Variants in LPP observed in about 807,000 individuals in gnomAD.
LPP encodes LIM domain containing preferred translocation partner in lipoma, also known as lipoma-preferred partner.
In LPP, 38 loss-of-function variants were observed where a neutral mutation model predicts 60.4. The observed-to-expected ratio is 0.63, with a 90% CI of 0.49 to 0.83. LPP has a LOEUF of 0.83. Among genes scored for constraint, LPP ranks in the 40% least tolerant of loss-of-function variants. The pLI, the probability that LPP is intolerant of heterozygous loss-of-function variation, is 0.00. For missense variants in LPP, 902 were observed against 783.6 expected (o/e 1.15, Z -1.80); for synonymous variants, 328 against 290.8 (o/e 1.13, Z -1.30).
chr3:188,192,957 C>G lies in LPP; in HGVS notation c.-189-32448C>G, dbSNP rs538892998. On this transcript the variant is annotated intron_variant, in intron 1 of 11. Transcript: ENST00000617246. ...TTCTCAGGGAGATGTTTCTCTCCAT[C>G]TTTCCTTGCTGCCCCTGAGACTTTG... 2.0e-5 allele frequency among the ~76,000 whole-genome samples: 3 copies of G among 152,322 alleles called. No individual in the cohort carries two copies. In the South Asian group the frequency reaches 6.2e-4, roughly 32 times the overall value.
intron 6 of LPP, among the ~76,000 whole-genome samples, chr3:188,543,714 C>T (rs1409069664): frequency 6.6e-6 from 1 of 152,146 alleles, no homozygotes; most frequent in East Asian, 1.9e-4. Flanking sequence ...AAGCCATAAT[C>T]ATTTGAAACC....
chr3:188,518,284 T>C (rs969121293), intron 5 of LPP, among the ~76,000 whole-genome samples: 3 of 152,166 alleles, frequency 2.0e-5, no homozygotes, highest in Non-Finnish European at 4.4e-5. Flanking sequence ...TAATAAACAT[T>C]ACTGACCATA....
At chr3:188,778,676 G>C (rs1343422324) in intron 9 of LPP, among the ~76,000 whole-genome samples, 2 of 152,044 alleles carry the variant, frequency 1.3e-5, no homozygotes, top group Non-Finnish European at 2.9e-5. Flanking sequence ...TGAATTGTTA[G>C]GTAAATGAGA....
In LPP at chr3:188,217,229, GC is replaced by G. The variant is rs2149256889; in HGVS notation, c.-189-8174del. Among the ~76,000 whole-genome samples the G allele has an allele frequency of 6.6e-6, 1 of 152,310 alleles. No homozygotes were observed. The highest frequency in any genetic ancestry group is 1.9e-4 in the East Asian group (1 of 5,184). ...AAGCTGAGATCTGAGTGACAAGGAG[GC>G]CACCTTGTAGAAGTTGGGGGAAGAG... On this transcript the variant is annotated intron_variant, in intron 1 of 11. Coordinates refer to ENST00000617246, the MANE Select transcript of LPP (RefSeq NM_001375462.1). The surrounding 1 kb of genome is among the most constrained non-coding windows in gnomAD (Gnocchi z 4.0).
intron 2 of LPP, among the ~76,000 whole-genome samples, chr3:188,276,640 G>T (rs1459956590): frequency 6.6e-6 from 1 of 150,870 alleles, no homozygotes; most frequent in African/African-American, 2.4e-5. Flanking sequence ...TCATTTAAAA[G>T]TGTGTGGCAC....
intron 7 of LPP, among the ~76,000 whole-genome samples, chr3:188,695,363 A>G (rs1007340009): frequency 6.6e-5 from 10 of 152,228 alleles, no homozygotes; most frequent in African/African-American, 2.4e-4. Flanking sequence ...CTGTCAGAGC[A>G]TGATCTTTCT....
chr3:188,611,737 G>A (rs1240795295), intron 7 of LPP, among the ~76,000 whole-genome samples: 1 of 152,222 alleles, frequency 6.6e-6, no homozygotes, highest in Non-Finnish European at 1.5e-5. Flanking sequence ...AAAACTATGT[G>A]TCTTGATGAG....
chr3:188,701,944 CTTTTTTTTTTT>C (rs35803152), intron 7 of LPP, among the ~76,000 whole-genome samples: 4 of 83,550 alleles, frequency 4.8e-5, no homozygotes, highest in African/African-American at 1.0e-4. Flanking sequence ...GTTTTTTTCC[CTTTTTTTTTTT>C]TTTTTTTTTT....
intron 8 of LPP, among the ~76,000 whole-genome samples, chr3:188,747,122 C>T (rs9858643): frequency 0.2 from 30,073 of 152,112 alleles, 3,720 homozygotes; most frequent in Middle Eastern, 0.42. Context: ...GCTTCCTAGG[C>T]AATGTTCCAT....
At chr3:188,589,401 T>G (rs908079656) in intron 6 of LPP, among the ~76,000 whole-genome samples, 2 of 152,268 alleles carry the variant, frequency 1.3e-5, no homozygotes, top group East Asian at 3.9e-4. Context: ...ATCTGTTACC[T>G]TCTGTCCTAT....
At position 188,885,198 on chromosome 3, in the gene LPP, G is replaced by T. The variant is rs538063431; in HGVS notation, c.*10719G>T. 4.9e-6 allele frequency: 1 copy of T among 203,434 alleles called. No homozygotes were observed. Among genetic ancestry groups the T allele is most frequent in the Non-Finnish European group, 1.0e-5 (1 of 99,364 alleles). 12.6% of individuals were successfully genotyped at this position (203,434 alleles called of 1,614,324 possible). A position where few individuals can be genotyped will look rare whatever the true frequency, so the allele number is the denominator to read the frequency against. ...ATATCCTAAAATATGTGAAGTGAGA[G>T]AAAAAATATCATTTCTTCTCATTAA... On this transcript the variant is annotated 3_prime_UTR_variant, in exon 12 of 12. Transcript: ENST00000617246.
chr3:188,720,060 G>A (rs575513558), intron 8 of LPP, among the ~76,000 whole-genome samples: 4 of 152,212 alleles, frequency 2.6e-5, no homozygotes, highest in South Asian at 4.1e-4. Flanking sequence ...CTACAGGCAC[G>A]TGCCACCACG....
chr3:188,269,977 TTTTCTTTTCTTTTCTTATCG>T (rs145495258), intron 2 of LPP, among the ~76,000 whole-genome samples: 15,904 of 151,548 alleles, frequency 0.1, 1,065 homozygotes, highest in African/African-American at 0.19. Context: ...CAGTTTTTTC[TTTTCTTTTCTTTTCTTATCG>T]TTTCTTTTCT....
intron 7 of LPP, among the ~76,000 whole-genome samples, chr3:188,612,153 G>A (rs191415888): frequency 6.6e-4 from 101 of 152,204 alleles, no homozygotes; most frequent in Admixed American, 5.5e-3. Flanking sequence ...ATATTCGGCT[G>A]TGCATTGAAA....
intron 1 of LPP, among the ~76,000 whole-genome samples, chr3:188,199,776 G>T (rs1344787552): frequency 6.6e-6 from 1 of 151,272 alleles, no homozygotes. Flanking sequence ...GTTCAATGGC[G>T]TGATCTTGGC....
chr3:188,493,062 C>CT (rs998617360), intron 5 of LPP, among the ~76,000 whole-genome samples: 4 of 151,856 alleles, frequency 2.6e-5, no homozygotes, highest in East Asian at 1.9e-4. Flanking sequence ...CTTTTTTGTT[C>CT]TTTTTTTCTG....
chr3:188,596,391 T>C (rs1839984454), intron 6 of LPP, among the ~76,000 whole-genome samples: 1 of 152,148 alleles, frequency 6.6e-6, no homozygotes, highest in African/African-American at 2.4e-5. Flanking sequence ...TTTCTACCCT[T>C]CCTCCTACTC....
chr3:188,189,852 G>T (rs1295588180), intron 1 of LPP, among the ~76,000 whole-genome samples: 1 of 152,008 alleles, frequency 6.6e-6, no homozygotes, highest in Non-Finnish European at 1.5e-5. Context: ...CGGAGGTGGG[G>T]AAGGGTTTAT....
intron 5 of LPP, among the ~76,000 whole-genome samples, chr3:188,488,256 G>A (rs868654858): frequency 1.3e-5 from 2 of 152,060 alleles, no homozygotes; most frequent in Non-Finnish European, 2.9e-5. Context: ...AGGTGATGCC[G>A]GAGTTTTGCT....
Sources: allele counts gnomAD v4.1 joint callset (sites outside exome capture counted in the v4.1 genomes callset), GRCh38; gene constraint gnomAD v4.1.1; non-coding constraint Gnocchi (gnomAD v3.1); transcripts MANE v1.5; gene names NCBI Gene and HGNC (gene_info 2026-07-23, HGNC 2026-07-21).